WDFY4: variants seen among roughly 807,000 people sequenced by gnomAD.
WDFY4 encodes WD repeat- and FYVE domain-containing protein 4.
In WDFY4, 169 loss-of-function variants were observed where a neutral mutation model predicts 351.9. That is an observed-to-expected ratio of 0.48 (90% CI 0.42 to 0.55). The LOEUF is 0.55. Ranked by LOEUF, WDFY4 falls within the 20% of genes least tolerant of loss-of-function variation. WDFY4 has a pLI of 0.00. For synonymous variants in WDFY4, 1,622 were observed against 1,574.6 expected (o/e 1.03, Z -0.71); for missense variants, 3,803 against 3,935.6 (o/e 0.97, Z 0.90).
intron 32 of WDFY4, among the ~76,000 whole-genome samples, chr10:48,819,290 T>G (rs890450814): frequency 6.6e-6 from 1 of 152,224 alleles, no homozygotes; most frequent in Non-Finnish European, 1.5e-5. Flanking sequence ...CTTTGTTGTA[T>G]AGAAAACATG....
At position 48,964,020 on chromosome 10, in the gene WDFY4, G is replaced by A; in HGVS notation, c.8402G>A (p.Gly2801Glu). ...TDPLIKSTILGFVSNFGQVPK... is the reference protein window; with the variant it reads ...TDPLIKSTILEFVSNFGQVPK... Reference sequence around the variant, plus strand: ...CCCCTCATCAAAAGCACCATCCTGGGGTTTGTCAGCAACTTTGGACAGGTG... The same window carrying A: ...CCCCTCATCAAAAGCACCATCCTGGAGTTTGTCAGCAACTTTGGACAGGTG... The change falls in exon 54 of 62, where the codon GGG (glycine) becomes GAG (glutamate). Residue 2801 changes from glycine (G) to glutamate (E), a missense_variant. Physicochemically the swap from Gly to Glu is moderately conservative, Grantham distance 98. Coordinates refer to ENST00000325239, the MANE Select transcript of WDFY4 (RefSeq NM_001394531.1). 6.5e-7 allele frequency: 1 copy of A among 1,550,086 alleles called. No homozygotes were observed. Among genetic ancestry groups the A allele is most frequent in the Non-Finnish European group, 8.7e-7 (1 of 1,146,972 alleles).
intron 3 of WDFY4, 147 bp from the exon 4 acceptor site, chr10:48,721,114 A>C: frequency 2.9e-6 from 2 of 701,298 alleles, no homozygotes; most frequent in South Asian, 1.7e-5. Flanking sequence ...TTTGGTAGAG[A>C]TGCAGGTGGC....
chr10:48,781,055 T>C (rs983925496), intron 19 of WDFY4, among the ~76,000 whole-genome samples: 1 of 152,184 alleles, frequency 6.6e-6, no homozygotes, highest in South Asian at 2.1e-4. Flanking sequence ...CAGTAACATC[T>C]CCAGACATTT....
At chr10:48,751,823 C>G (rs192711910) in intron 12 of WDFY4, among the ~76,000 whole-genome samples, 1 of 152,258 alleles carries the variant, frequency 6.6e-6, no homozygotes, top group East Asian at 1.9e-4. Flanking sequence ...AGTAGTCATC[C>G]TCTCTGTCAT....
At chr10:48,777,072 T>A (rs2066055972) in intron 16 of WDFY4, 88 bp downstream of exon 16, 1 of 1,401,874 alleles carries the variant, frequency 7.1e-7, no homozygotes, top group Non-Finnish European at 9.7e-7. Context: ...AAACTTGTAG[T>A]TCCCATTGAA....
chr10:48,823,037 G>T, intron 35 of WDFY4: 1 of 917,848 alleles, frequency 1.1e-6, no homozygotes, highest in African/African-American at 1.8e-5. Context: ...CAGATAAACA[G>T]GTATAGTTAC....
chr10:48,700,617 C>T (rs1297510368), intron 1 of WDFY4, among the ~76,000 whole-genome samples: 5 of 152,238 alleles, frequency 3.3e-5, no homozygotes, highest in African/African-American at 4.8e-5. Flanking sequence ...ACACCAGCTG[C>T]GTGAGCACGC....
chr10:48,820,118 AT>A, intron 32 of WDFY4, 115 bp from the exon 33 acceptor site: 1 of 1,214,940 alleles, frequency 8.2e-7, no homozygotes, highest in Non-Finnish European at 1.2e-6. Flanking sequence ...CGGAGCCTCA[AT>A]TTCCGTACAT....
At position 48,901,833 on chromosome 10, in the gene WDFY4, A is replaced by T. The variant is rs1219262184; in HGVS notation, c.7556A>T (p.Lys2519Ile). 4.5e-6 allele frequency: 7 copies of T among 1,551,478 alleles called. No individual in the cohort carries two copies. Among genetic ancestry groups the T allele is most frequent in the Non-Finnish European group, 6.1e-6 (7 of 1,146,886 alleles). The change falls in exon 47 of 62, where the codon AAA becomes ATA. Residue 2519 changes from lysine (K) to isoleucine (I), a missense_variant. Physicochemically the swap from Lys to Ile is moderately radical, Grantham distance 102. Coordinates refer to ENST00000325239, the MANE Select transcript of WDFY4 (RefSeq NM_001394531.1). ...TCTTTCCAACCCAGCCTGAAGGGGA[A>T]AGCCACCTCGGAGGACACCCTCAGT... ...FCSFQPSLKG[K>I]ATSEDTLSLR...
chr10:48,936,597 G>T (rs201143478), intron 47 of WDFY4, among the ~76,000 whole-genome samples: 2 of 122,802 alleles, frequency 1.6e-5, no homozygotes, highest in Non-Finnish European at 4.0e-5. Flanking sequence ...CAGCACTTTC[G>T]GAGGCCGAAG....
chr10:48,735,695 C>CT, intron 10 of WDFY4, among the ~76,000 whole-genome samples, 185 bp from the exon 11 acceptor site: 1 of 152,020 alleles, frequency 6.6e-6, no homozygotes, highest in East Asian at 1.9e-4. Context: ...TCCACAGTTT[C>CT]TTTTTTCTGC....
At chr10:48,797,536 T>C (rs1228272505) in intron 24 of WDFY4, among the ~76,000 whole-genome samples, 1 of 152,274 alleles carries the variant, frequency 6.6e-6, no homozygotes, top group Non-Finnish European at 1.5e-5. Context: ...GTCATGATTA[T>C]ACTGTAGGTT....
At chr10:48,811,148 C>T (rs2067431252) in intron 29 of WDFY4, among the ~76,000 whole-genome samples, 2 of 152,172 alleles carry the variant, frequency 1.3e-5, no homozygotes, top group Admixed American at 1.3e-4. Context: ...TATTATTTTT[C>T]TCTTTAGTGC....
intron 40 of WDFY4, among the ~76,000 whole-genome samples, chr10:48,868,315 C>T (rs1216503080): frequency 2.6e-5 from 4 of 152,180 alleles, no homozygotes; most frequent in African/African-American, 9.7e-5. Flanking sequence ...AGACAGGACA[C>T]TTGTGAGAAA....
chr10:48,976,219 A>G (rs1004932220), intron 58 of WDFY4, among the ~76,000 whole-genome samples: 1 of 152,242 alleles, frequency 6.6e-6, no homozygotes, highest in East Asian at 1.9e-4. Context: ...GGATGGCCCC[A>G]GGACCTTGGT....
chr10:48,740,057 C>T (rs1041060246), intron 11 of WDFY4, among the ~76,000 whole-genome samples: 3 of 152,078 alleles, frequency 2.0e-5, no homozygotes, highest in African/African-American at 4.8e-5. Flanking sequence ...TTTGTTTTGT[C>T]GTGTGTTATG....
chr10:48,805,477 G>A, intron 26 of WDFY4, 56 bp downstream of exon 26: 1 of 1,524,834 alleles, frequency 6.6e-7, no homozygotes, highest in Admixed American at 2.0e-5. Context: ...GTTTAAAAAG[G>A]GAGGACAGAC....
rs765049342 is a variant in WDFY4, at chr10:48,789,967, G to A, written c.4048G>A (p.Val1350Ile). ...LSGSLRTIGA[V>I]AVGQLGVRVF... ...AGGGTCTCTGCGGACCATTGGAGCT[G>A]TTGCTGTGGGTCAATTAGGTATGTT... Residue 1350 changes from valine to isoleucine, a missense_variant, in exon 22 of 62, where the codon GTT becomes ATT. This residue lies in a region of WDFY4 where 3,054 missense variants were observed against 3,148.6 expected (regional missense o/e 0.97). Coordinates refer to ENST00000325239, the MANE Select transcript of WDFY4 (RefSeq NM_001394531.1). The A allele has an allele frequency of 7.1e-6, 11 of 1,552,250 alleles. No individual in the cohort carries two copies. The South Asian group carries it at 8.3e-5, about 12-fold the overall frequency.
intron 2 of WDFY4, among the ~76,000 whole-genome samples, chr10:48,718,442 C>T (rs1303772775): frequency 6.6e-6 from 1 of 152,204 alleles, no homozygotes; most frequent in Non-Finnish European, 1.5e-5. Context: ...CCCTTCTTAT[C>T]TTTCCTAGAT....
Sources: allele counts gnomAD v4.1 joint callset (sites outside exome capture counted in the v4.1 genomes callset), GRCh38; gene constraint gnomAD v4.1.1; regional missense constraint gnomAD v4.1.1; transcripts MANE v1.5; gene names NCBI Gene and HGNC (gene_info 2026-07-23, HGNC 2026-07-21).